PHKB: variants seen among roughly 807,000 people sequenced by gnomAD.
PHKB encodes phosphorylase b kinase regulatory subunit beta.
Under a neutral mutation model 152.1 loss-of-function variants are expected in PHKB, and 122 were observed. The ratio of observed to expected loss-of-function variants is 0.80; its 90% CI spans 0.69 to 0.93. PHKB has a LOEUF of 0.93. PHKB is among the 40% of genes least tolerant of loss of function. The pLI is 0.00. For synonymous variants in PHKB, 436 were observed against 464.9 expected, an observed-to-expected ratio of 0.94 and a Z score of 0.80; for missense variants, 1,304 against 1,328.4, an observed-to-expected ratio of 0.98 and a Z score of 0.29.
At chr16:47,632,716 A>G (rs1004978795) in intron 14 of PHKB, among the ~76,000 whole-genome samples, 2 of 152,200 alleles carry the variant, frequency 1.3e-5, no homozygotes, top group African/African-American at 4.8e-5. Flanking sequence ...AATTAGAAAA[A>G]AAGAGCAAGG....
intron 29 of PHKB, among the ~76,000 whole-genome samples, 197 bp from the exon 30 acceptor site, chr16:47,698,251 A>G (rs1471759283): frequency 1.3e-5 from 2 of 152,228 alleles, no homozygotes; most frequent in East Asian, 1.9e-4. Context: ...GGATACACAC[A>G]ATGAAAAAAA....
chr16:47,627,322 G>C (rs1384298164), intron 14 of PHKB, among the ~76,000 whole-genome samples: 1 of 152,164 alleles, frequency 6.6e-6, no homozygotes, highest in Non-Finnish European at 1.5e-5. Context: ...TTTTGGCATT[G>C]TTTCTATGCA....
At chr16:47,677,679 A>G (rs1188851009) in intron 26 of PHKB, among the ~76,000 whole-genome samples, 1 of 152,116 alleles carries the variant, frequency 6.6e-6, no homozygotes, top group Non-Finnish European at 1.5e-5. Context: ...ATACCATCAC[A>G]CTGGAGTTAG....
chr16:47,565,986 C>T (rs1055441396), intron 7 of PHKB: 22 of 770,188 alleles, frequency 2.9e-5, no homozygotes, highest in African/African-American at 5.2e-5. Context: ...GCTCTATGAC[C>T]GATCATCCCG....
intron 26 of PHKB, among the ~76,000 whole-genome samples, chr16:47,688,587 CA>C (rs1974004948): frequency 6.7e-6 from 1 of 150,048 alleles, no homozygotes; most frequent in South Asian, 2.1e-4. Context: ...TGGTTTAAAA[CA>C]AAAAGCTTGA....
At chr16:47,488,810 GT>G (rs1409214049) in intron 1 of PHKB, among the ~76,000 whole-genome samples, 2 of 152,152 alleles carry the variant, frequency 1.3e-5, no homozygotes, top group African/African-American at 4.8e-5. Flanking sequence ...CTATGTGTCT[GT>G]TTTTATACTA....
intron 27 of PHKB, among the ~76,000 whole-genome samples, chr16:47,689,865 A>G (rs569325970): frequency 2.8e-4 from 42 of 152,378 alleles, no homozygotes; most frequent in African/African-American, 9.1e-4. Flanking sequence ...TTAAATAGGA[A>G]CATTCATGTT....
intron 7 of PHKB, among the ~76,000 whole-genome samples, chr16:47,570,651 G>A (rs544442954): frequency 1.3e-5 from 2 of 148,728 alleles, no homozygotes; most frequent in African/African-American, 4.9e-5. Flanking sequence ...TTTTAATATC[G>A]ACCTCTCTAG....
chr16:47,584,580 A>G (rs1971904516), intron 8 of PHKB, among the ~76,000 whole-genome samples: 1 of 152,208 alleles, frequency 6.6e-6, no homozygotes, highest in Non-Finnish European at 1.5e-5. Flanking sequence ...GGCTATTTAC[A>G]CATCTATTGC....
chr16:47,571,500 C>T (rs11863178), intron 7 of PHKB, among the ~76,000 whole-genome samples: 17,612 of 152,112 alleles, frequency 0.12, 2,223 homozygotes, highest in African/African-American at 0.32. Flanking sequence ...ATATTCTGGA[C>T]ATTTAGATCA....
At chr16:47,536,398 G>A (rs1970953310) in intron 6 of PHKB, among the ~76,000 whole-genome samples, 1 of 152,092 alleles carries the variant, frequency 6.6e-6, no homozygotes, top group Non-Finnish European at 1.5e-5. Flanking sequence ...TTCCTCAAGA[G>A]GCCAGTTCTT....
Position 47,515,686 on chromosome 16 carries a change from G to A in PHKB, c.594+85G>A, listed in dbSNP as rs78297758. On this transcript the variant is annotated intron_variant, in intron 6 of 30. Coordinates refer to ENST00000323584, the MANE Select transcript of PHKB (RefSeq NM_000293.3). Reference sequence around the variant, plus strand: ...TTTTAGTTTTCACAACTTATTTTTAGTTTATGTAAAATGTATTCCTGTTAC... The same window carrying A: ...TTTTAGTTTTCACAACTTATTTTTAATTTATGTAAAATGTATTCCTGTTAC... The A allele has an allele frequency of 0.056, 40,376 of 721,350 alleles. 1,402 individuals carry two copies. The highest frequency in any genetic ancestry group is 0.09 in the Middle Eastern group (298 of 3,322). 44.7% of individuals were successfully genotyped at this position (721,350 alleles called of 1,614,324 possible). A position where few individuals can be genotyped will look rare whatever the true frequency, so the allele number is the denominator to read the frequency against.
At chr16:47,490,866 G>A (rs1302550073) in intron 1 of PHKB, among the ~76,000 whole-genome samples, 2 of 152,010 alleles carry the variant, frequency 1.3e-5, no homozygotes, top group East Asian at 3.9e-4. Context: ...TAGTCAACAT[G>A]TTCACACAGA....
intron 4 of PHKB, among the ~76,000 whole-genome samples, chr16:47,508,133 AAG>A (rs1338667466): frequency 6.6e-6 from 1 of 152,196 alleles, no homozygotes; most frequent in Non-Finnish European, 1.5e-5. Context: ...TACTAGCTAA[AAG>A]AGATATTTTA....
intron 1 of PHKB, among the ~76,000 whole-genome samples, chr16:47,486,993 T>C (rs1464091101): frequency 6.6e-6 from 1 of 152,198 alleles, no homozygotes; most frequent in African/African-American, 2.4e-5. Context: ...AGTTGGAAAT[T>C]AGAACTGGTG....
chr16:47,688,959 C>CT, intron 26 of PHKB, 82 bp from the exon 27 acceptor site: 1 of 1,428,746 alleles, frequency 7.0e-7, no homozygotes, highest in East Asian at 2.3e-5. Flanking sequence ...TGGGTCAGTG[C>CT]TATTAAGGGC....
At position 47,669,194 on chromosome 16, in the gene PHKB, ATAAAATTCTGCCACTTGTAGG is replaced by A. The variant is rs760631633; in HGVS notation, c.2428-17_2431del. The A allele has an allele frequency of 6.3e-7, 1 of 1,587,104 alleles. No homozygotes were observed. Among genetic ancestry groups the A allele is most frequent in the South Asian group, 1.1e-5 (1 of 90,498 alleles). ...TTTTAGTAGCTAGGAGAATTTTACA[ATAAAATTCTGCCACTTGTAGG>A]TAACTCTGGGTGCCTTTGGGCATGA... is the stretch of plus-strand genomic sequence containing the variant. On this transcript the variant is annotated splice_acceptor_variant and splice_polypyrimidine_tract_variant and coding_sequence_variant and intron_variant, in exon 26 of 31. Transcript: ENST00000323584. LOFTEE classifies it high-confidence loss of function.
At chr16:47,490,382 A>G (rs921403810) in intron 1 of PHKB, among the ~76,000 whole-genome samples, 3 of 152,248 alleles carry the variant, frequency 2.0e-5, no homozygotes, top group East Asian at 1.9e-4. Flanking sequence ...GTGGTTTATA[A>G]TAGCTTAACC....
rs1971983793 is a variant in PHKB, at chr16:47,589,050, G to A, written c.1016G>A (p.Arg339Lys). 6.2e-7 allele frequency: 1 copy of A among 1,613,480 alleles called. No homozygotes were observed. The highest frequency in any genetic ancestry group is 1.1e-5 in the South Asian group (1 of 91,064). The change falls in exon 10 of 31, where the codon AGA becomes AAA. Residue 339 changes from arginine (R) to lysine (K), a missense_variant. Physicochemically the swap from Arg to Lys is conservative, Grantham distance 26. Coordinates refer to ENST00000323584, the MANE Select transcript of PHKB (RefSeq NM_000293.3). ...AAACGTTTCTTGAGAGATGGGTATA[G>A]AACATCATTGGAAGATCCCAACAGA... The part of the protein sequence containing the change: ...GFKRFLRDGY[R>K]TSLEDPNRCY...
Sources: allele counts gnomAD v4.1 joint callset (sites outside exome capture counted in the v4.1 genomes callset), GRCh38; gene constraint gnomAD v4.1.1; transcripts MANE v1.5; gene names NCBI Gene and HGNC (gene_info 2026-07-23, HGNC 2026-07-21).